Variants in KCMF1 observed in about 807,000 individuals in gnomAD.
KCMF1 encodes E3 ubiquitin-protein ligase KCMF1.
Under a neutral mutation model 41.1 loss-of-function variants are expected in KCMF1, and 3 were observed. That is an observed-to-expected ratio of 0.07 (90% CI 0.03 to 0.19). The LOEUF is 0.19. Among genes scored for constraint, KCMF1 ranks in the 10% least tolerant of loss-of-function variants. The probability of loss-of-function intolerance (pLI) is 1.00; values close to 1 mark genes in which losing one functional copy is unlikely to be tolerated. For synonymous variants in KCMF1, 142 were observed against 164.5 expected, an observed-to-expected ratio of 0.86 and a Z score of 1.04; for missense variants, 286 against 488.9, an observed-to-expected ratio of 0.58 and a Z score of 3.91.
chr2:84,996,608 G>C (rs959061487), intron 1 of KCMF1, among the ~76,000 whole-genome samples: 5 of 151,572 alleles, frequency 3.3e-5, no homozygotes, highest in Non-Finnish European at 7.4e-5. Context: ...GCCAATTTTT[G>C]TATTTTTAGT....
intron 1 of KCMF1, among the ~76,000 whole-genome samples, chr2:84,995,903 G>A (rs1173923916): frequency 1.3e-5 from 2 of 152,194 alleles, no homozygotes; most frequent in African/African-American, 4.8e-5. Flanking sequence ...CAGATGCTTA[G>A]GAAGTTATTT....
intron 1 of KCMF1, among the ~76,000 whole-genome samples, chr2:84,996,933 C>CT (rs2103984415): frequency 6.6e-6 from 1 of 152,200 alleles, no homozygotes; most frequent in South Asian, 2.1e-4. Flanking sequence ...CACATCTGGG[C>CT]TATGTATGTT....
chr2:85,033,192 C>T (rs1313246421), intron 2 of KCMF1, among the ~76,000 whole-genome samples: 3 of 152,158 alleles, frequency 2.0e-5, no homozygotes, highest in Admixed American at 6.5e-5. Flanking sequence ...TCATTTAAAT[C>T]TCCCTAAAAA....
chr2:84,983,469 G>A (rs957343957), intron 1 of KCMF1, among the ~76,000 whole-genome samples: 1 of 151,906 alleles, frequency 6.6e-6, no homozygotes, highest in Non-Finnish European at 1.5e-5. Flanking sequence ...TAGGACTACA[G>A]ACATGTGCCA....
chr2:85,042,844 C>T (rs1015765653), intron 3 of KCMF1, among the ~76,000 whole-genome samples: 2 of 152,098 alleles, frequency 1.3e-5, no homozygotes, highest in South Asian at 2.1e-4. Context: ...ACCTGTCACC[C>T]GCTCCCCGAA....
chr2:85,033,911 G>C (rs776723384), intron 2 of KCMF1, among the ~76,000 whole-genome samples: 11 of 152,062 alleles, frequency 7.2e-5, no homozygotes, highest in Non-Finnish European at 1.6e-4. Flanking sequence ...GGCCAGGCGT[G>C]GTGGCTCATG....
chr2:85,015,183 T>C (rs1478319386), intron 1 of KCMF1, among the ~76,000 whole-genome samples: 1 of 150,730 alleles, frequency 6.6e-6, no homozygotes, highest in Admixed American at 6.6e-5. Context: ...AAAAGTCTGT[T>C]ATAGACACAC....
chr2:85,021,873 A>G (rs1674952669), intron 1 of KCMF1, among the ~76,000 whole-genome samples: 1 of 152,032 alleles, frequency 6.6e-6, no homozygotes, highest in African/African-American at 2.4e-5. Flanking sequence ...CTGAAGTACA[A>G]TGGTGCGATC....
At chr2:85,003,241 A>C (rs1674375912) in intron 1 of KCMF1, among the ~76,000 whole-genome samples, 1 of 152,182 alleles carries the variant, frequency 6.6e-6, no homozygotes, top group Non-Finnish European at 1.5e-5. Context: ...TGGGAGGCCA[A>C]GGCGGGCAGA....
At chr2:85,050,565 T>C (rs1299919710) in intron 6 of KCMF1, among the ~76,000 whole-genome samples, 1 of 152,196 alleles carries the variant, frequency 6.6e-6, no homozygotes, top group Non-Finnish European at 1.5e-5. Context: ...GCATTTTATG[T>C]GACTTTTAGG....
At chr2:84,995,757 C>T (rs1258675917) in intron 1 of KCMF1, among the ~76,000 whole-genome samples, 3 of 152,080 alleles carry the variant, frequency 2.0e-5, no homozygotes, top group African/African-American at 7.2e-5. Flanking sequence ...TCAAAACAAG[C>T]GTGGGCAATA....
chr2:85,053,450 T>G lies in KCMF1; in HGVS notation c.*41T>G. 1 of 1,562,228 alleles carries G rather than the reference T, an allele frequency of 6.4e-7. No individual in the cohort carries two copies. The highest frequency in any genetic ancestry group is 8.7e-7 in the Non-Finnish European group (1 of 1,153,788). ...CAGACAATGTCCTCTGTGCTGTATT[T>G]GCCAATGAAAGTGGACAACAACTAT... On this transcript the variant is annotated 3_prime_UTR_variant, in exon 7 of 7. Transcript: ENST00000409785.
chr2:84,978,737 T>TG (rs1046058112), intron 1 of KCMF1, among the ~76,000 whole-genome samples: 10 of 151,394 alleles, frequency 6.6e-5, no homozygotes, highest in African/African-American at 2.2e-4. Flanking sequence ...CTTTTTGAGA[T>TG]GGAGTTTCGC....
At chr2:84,972,449 G>GGGTT (rs1673425650) in intron 1 of KCMF1, among the ~76,000 whole-genome samples, 1 of 152,146 alleles carries the variant, frequency 6.6e-6, no homozygotes, top group South Asian at 2.1e-4. Context: ...AAGGAGGAGG[G>GGGTT]GGTTGTGTTT....
intron 3 of KCMF1, among the ~76,000 whole-genome samples, chr2:85,040,486 C>T (rs905972870): frequency 6.6e-6 from 1 of 152,314 alleles, no homozygotes; most frequent in Non-Finnish European, 1.5e-5. Flanking sequence ...TTCCATTTCT[C>T]CTGCCCCGCT....
At chr2:85,052,562 C>T (rs1029928487) in intron 6 of KCMF1, among the ~76,000 whole-genome samples, 3 of 152,204 alleles carry the variant, frequency 2.0e-5, no homozygotes, top group Admixed American at 6.5e-5. Flanking sequence ...GGGAGCAAGT[C>T]AGGCAGGTAG....
At chr2:84,998,024 C>T (rs1466912334) in intron 1 of KCMF1, among the ~76,000 whole-genome samples, 2 of 151,116 alleles carry the variant, frequency 1.3e-5, no homozygotes, top group African/African-American at 2.4e-5. Context: ...CTGCCCACCT[C>T]GGACTCCCAT....
At chr2:85,028,202 G>C (rs1436804080) in intron 2 of KCMF1, 146 bp downstream of exon 2, 1 of 601,092 alleles carries the variant, frequency 1.7e-6, no homozygotes, top group Non-Finnish European at 2.8e-6. Context: ...TTTTTTTTGA[G>C]ACGGAGTTTC....
chr2:85,015,201 C>G (rs1252379743), intron 1 of KCMF1, among the ~76,000 whole-genome samples: 1 of 151,082 alleles, frequency 6.6e-6, no homozygotes, highest in Non-Finnish European at 1.5e-5. Flanking sequence ...CACATTAATC[C>G]CCCCCGCTTT....
Sources: allele counts gnomAD v4.1 joint callset (sites outside exome capture counted in the v4.1 genomes callset), GRCh38; gene constraint gnomAD v4.1.1; transcripts MANE v1.5; gene names NCBI Gene and HGNC (gene_info 2026-07-23, HGNC 2026-07-21).